CD44: variants seen among roughly 807,000 people sequenced by gnomAD.
The protein encoded by CD44 is CD44 antigen.
A neutral mutation model predicts 88.8 loss-of-function variants in CD44; 49 were observed. The observed-to-expected ratio is 0.55, with a 90% CI of 0.44 to 0.70. The LOEUF (loss-of-function observed/expected upper bound fraction) is 0.70. CD44 is among the 30% of genes least tolerant of loss of function. The pLI, the probability that CD44 is intolerant of heterozygous loss-of-function variation, is 0.00. For synonymous variants in CD44, 325 were observed against 312.3 expected, an observed-to-expected ratio of 1.04 and a Z score of -0.43; for missense variants, 883 against 913.8, an observed-to-expected ratio of 0.97 and a Z score of 0.43.
chr11:35,198,075 G>T, intron 6 of CD44, 46 bp from the exon 7 acceptor site: 2 of 1,591,102 alleles, frequency 1.3e-6, no homozygotes, highest in South Asian at 2.2e-5. Flanking sequence ...TTGCAAGTGG[G>T]TTGCTTGGCG....
chr11:35,145,799 T>G (rs1231326668), intron 1 of CD44, among the ~76,000 whole-genome samples: 1 of 152,172 alleles, frequency 6.6e-6, no homozygotes, highest in East Asian at 1.9e-4. Flanking sequence ...GGGAGATTCT[T>G]GCCTTCTCTG....
chr11:35,229,614 T>C lies in CD44; in HGVS notation c.*281T>C. 4.9e-6 allele frequency: 2 copies of C among 406,384 alleles called. No homozygotes were observed. Among genetic ancestry groups the C allele is most frequent in the Non-Finnish European group, 9.0e-6 (2 of 223,116 alleles). 25.2% of individuals were successfully genotyped at this position (406,384 alleles called of 1,614,324 possible). A position where few individuals can be genotyped will look rare whatever the true frequency, so the allele number is the denominator to read the frequency against. ...GGCCTTTCATCCCTCGGGTGTGCTATGGATGGCTTCTAACAAAAACTACAC... is the reference window on the plus strand; with the variant it reads ...GGCCTTTCATCCCTCGGGTGTGCTACGGATGGCTTCTAACAAAAACTACAC... On this transcript the variant is annotated 3_prime_UTR_variant, in exon 18 of 18. Transcript: ENST00000428726.
At chr11:35,172,261 T>C (rs1943992897) in intron 1 of CD44, among the ~76,000 whole-genome samples, 3 of 152,200 alleles carry the variant, frequency 2.0e-5, no homozygotes, top group Admixed American at 6.5e-5. Context: ...CATAAGGCCA[T>C]GTTTCATCTC....
chr11:35,201,830 G>C lies in CD44; in HGVS notation c.1153+43G>C, dbSNP rs753186169. ...CGGCAGTTCTGGGTTAGATGAATTA[G>C]TAAAGACATTCCAGCAATAGGGAAG... On this transcript the variant is annotated intron_variant, in intron 9 of 17. Coordinates refer to ENST00000428726, the MANE Select transcript of CD44 (RefSeq NM_000610.4). 3 of 1,596,962 alleles carry C rather than the reference G, an allele frequency of 1.9e-6. No homozygotes were observed. In the African/African-American group the frequency reaches 4.0e-5, roughly 22 times the overall value.
chr11:35,175,385 A>G (rs1264166924), intron 1 of CD44, among the ~76,000 whole-genome samples: 2 of 152,182 alleles, frequency 1.3e-5, no homozygotes, highest in Non-Finnish European at 2.9e-5. Context: ...TGGAAAAATG[A>G]CTCTTAAATC....
Position 35,176,594 on chromosome 11 carries a change from C to T in CD44, c.87C>T (p.Arg29=). 1.9e-6 allele frequency: 3 copies of T among 1,611,198 alleles called. No individual in the cohort carries two copies. Among genetic ancestry groups the T allele is most frequent in the Non-Finnish European group, 1.7e-6 (2 of 1,179,006 alleles). ...CCATAGATTTGAATATAACCTGCCG[C>T]TTTGCAGGTGTATTCCACGTGGAGA... ...LAQIDLNITC[R]FAGVFHVEKN... The change falls in exon 2 of 18, where the codon CGC becomes CGT. Residue 29 remains arginine (R), a synonymous_variant. Transcript: ENST00000428726.
At chr11:35,196,445 G>C (rs76273995) in intron 5 of CD44, among the ~76,000 whole-genome samples, 15,839 of 152,002 alleles carry the variant, frequency 0.1, 1,038 homozygotes, top group Admixed American at 0.2. Context: ...CCTCACTCTT[G>C]CTAATTAGGC....
chr11:35,195,609 G>A (rs11825862), intron 5 of CD44, among the ~76,000 whole-genome samples: 2 of 151,904 alleles, frequency 1.3e-5, no homozygotes, highest in Non-Finnish European at 1.5e-5. Context: ...TTTGTTTGGG[G>A]ATGATGGTTT....
chr11:35,227,899 G>T (rs1446305424), intron 17 of CD44, among the ~76,000 whole-genome samples: 1 of 152,150 alleles, frequency 6.6e-6, no homozygotes, highest in Non-Finnish European at 1.5e-5. Context: ...GTGTGACCTC[G>T]AGCAAGTTAT....
chr11:35,144,619 G>C (rs924396685), intron 1 of CD44, among the ~76,000 whole-genome samples: 1 of 152,172 alleles, frequency 6.6e-6, no homozygotes, highest in Non-Finnish European at 1.5e-5. Context: ...AGAGTAAACC[G>C]GAAGGGGTGC....
At position 35,201,666 on chromosome 11, in the gene CD44, A is replaced by AGCAGATGTAG; in HGVS notation, c.1037-4_1042dup. On this transcript the variant is annotated splice_region_variant and splice_polypyrimidine_tract_variant and intron_variant, in intron 8 of 17. Coordinates refer to ENST00000428726, the MANE Select transcript of CD44 (RefSeq NM_000610.4). ...TCACAGTGTATTTAACCATCATCAC[A>AGCAGATGTAG]GCAGATGTAGACAGAAATGGCACCA... 6.2e-7 allele frequency: 1 copy of AGCAGATGTAG among 1,613,670 alleles called. No individual in the cohort carries two copies. The highest frequency in any genetic ancestry group is 8.5e-7 in the Non-Finnish European group (1 of 1,179,632).
chr11:35,205,995 G>A (rs1485103464), intron 10 of CD44, 117 bp from the exon 11 acceptor site: 2 of 1,381,942 alleles, frequency 1.4e-6, no homozygotes, highest in African/African-American at 3.0e-5. Flanking sequence ...TCTATACAAG[G>A]AAGATGGTTT....
chr11:35,193,041 G>C (rs188568450), intron 5 of CD44, among the ~76,000 whole-genome samples: 1 of 152,102 alleles, frequency 6.6e-6, no homozygotes, highest in Non-Finnish European at 1.5e-5. Context: ...AGGTGAGAAT[G>C]TGGTGTCTGT....
chr11:35,140,405 C>T (rs1255475980), intron 1 of CD44, among the ~76,000 whole-genome samples: 2 of 152,328 alleles, frequency 1.3e-5, no homozygotes, highest in East Asian at 3.9e-4. Flanking sequence ...GTCATTAAGA[C>T]AGCTCAGCCT....
In CD44 at chr11:35,190,181, C is replaced by T. The variant is rs1946130689; in HGVS notation, c.667+116C>T. Reference sequence around the variant, plus strand: ...TTTCTCGTCTCTAGACAGCTGGAAGCTGGTGATGCCATTCAGGGAGGTGGG... The same window carrying T: ...TTTCTCGTCTCTAGACAGCTGGAAGTTGGTGATGCCATTCAGGGAGGTGGG... On this transcript the variant is annotated intron_variant, in intron 5 of 17. Transcript: ENST00000428726. The T allele has an allele frequency of 3.5e-6, 3 of 866,244 alleles. No individual in the cohort carries two copies. The Admixed American group carries it at 6.2e-5, about 18-fold the overall frequency. 53.7% of individuals were successfully genotyped at this position (866,244 alleles called of 1,614,324 possible).
intron 1 of CD44, among the ~76,000 whole-genome samples, chr11:35,144,495 T>C (rs1440203055): frequency 1.3e-5 from 2 of 152,252 alleles, no homozygotes; most frequent in Admixed American, 6.5e-5. Context: ...GGTAGGTTGA[T>C]ACCTTCTACC....
intron 3 of CD44, among the ~76,000 whole-genome samples, chr11:35,181,408 T>C (rs936300939): frequency 6.6e-6 from 1 of 152,028 alleles, no homozygotes; most frequent in African/African-American, 2.4e-5. Flanking sequence ...ATCATGAATT[T>C]TCAGAATTTT....
chr11:35,185,238 G>T (rs1945540328), intron 3 of CD44, among the ~76,000 whole-genome samples: 1 of 152,222 alleles, frequency 6.6e-6, no homozygotes, highest in African/African-American at 2.4e-5. Context: ...CCTCGCCAAG[G>T]AGGTGATACT....
chr11:35,170,261 G>T (rs532056732), intron 1 of CD44, among the ~76,000 whole-genome samples: 2 of 152,138 alleles, frequency 1.3e-5, no homozygotes, highest in Non-Finnish European at 2.9e-5. Flanking sequence ...GGTTTGAGGA[G>T]GTCCTAACTA....
Sources: gnomAD v4.1 joint callset for allele counts (sites outside exome capture counted in the v4.1 genomes callset) on GRCh38, gnomAD v4.1.1 for gene constraint, MANE v1.5 for transcripts, NCBI Gene and HGNC (gene_info 2026-07-23, HGNC 2026-07-21) for gene names.